Variants in NFKBIZ observed in about 807,000 individuals in gnomAD.
NFKBIZ encodes NF-kappa-B inhibitor zeta.
In NFKBIZ, 19 loss-of-function variants were observed where a neutral mutation model predicts 76.8. The ratio of observed to expected loss-of-function variants is 0.25; its 90% CI spans 0.17 to 0.36. NFKBIZ has a LOEUF of 0.36. NFKBIZ is among the 10% of genes least tolerant of loss of function. NFKBIZ has a pLI of 1.00. For missense variants in NFKBIZ, 829 were observed against 910.9 expected, an observed-to-expected ratio of 0.91 and a Z score of 1.16; for synonymous variants, 368 against 354.8, an observed-to-expected ratio of 1.04 and a Z score of -0.42.
At chr3:101,856,512 A>G (rs914044154) in intron 9 of NFKBIZ, among the ~76,000 whole-genome samples, 5 of 70,524 alleles carry the variant, frequency 7.1e-5, no homozygotes, top group Non-Finnish European at 1.1e-4. Context: ...ATTTTCATAC[A>G]CTGAGAATAA....
intron 8 of NFKBIZ, 125 bp downstream of exon 8, chr3:101,855,583 A>C: frequency 8.0e-7 from 1 of 1,248,424 alleles, no homozygotes; most frequent in Non-Finnish European, 1.1e-6. Context: ...AATTAGACCC[A>C]AAAAGAGACA....
Position 101,859,325 on chromosome 3 carries a change from G to T in NFKBIZ, c.2111G>T (p.Arg704Leu). Residue 704 changes from arginine to leucine, a missense_variant, in exon 12 of 12, where the codon CGT becomes CTT. This residue lies in a region of NFKBIZ where 272 missense variants were observed against 384.2 expected (regional missense o/e 0.71). Transcript: ENST00000326172. The stretch of plus-strand genomic sequence containing the variant: ...TATTTGTTTCTCTTCCAGATCCGAC[G>T]TATCCTGAAGGGAAAGTCCATTCAG... ...PDGPVGEQIR[R>L]ILKGKSIQQR... The T allele has an allele frequency of 6.2e-7, 1 of 1,613,348 alleles. No individual in the cohort carries two copies. The highest frequency in any genetic ancestry group is 1.1e-5 in the South Asian group (1 of 91,074).
rs1481862022 is a variant in NFKBIZ, at chr3:101,852,878, G to A, written c.461-8G>A. On this transcript the variant is annotated splice_region_variant and splice_polypyrimidine_tract_variant and intron_variant, in intron 3 of 11. Transcript: ENST00000326172. ...ATGATGACAGAGGCTGTATTCCTTT[G>A]GGTACAGAATTGAAGAACACAGTAT... The A allele has an allele frequency of 6.2e-7, 1 of 1,611,912 alleles. No homozygotes were observed. The highest frequency in any genetic ancestry group is 1.1e-5 in the South Asian group (1 of 90,946).
At chr3:101,835,189 T>G (rs1942702333) in intron 2 of NFKBIZ, among the ~76,000 whole-genome samples, 1 of 152,204 alleles carries the variant, frequency 6.6e-6, no homozygotes, top group Admixed American at 6.5e-5. Flanking sequence ...TTAGAGAAAT[T>G]AATTAAAGCT....
Position 101,832,914 on chromosome 3 carries a change from C to G in NFKBIZ, c.-12+3226C>G, listed in dbSNP as rs1942665175. ...CACCATGATGAATTTGTTTTTAATT[C>G]ATTTTGTGCAGTATTTGGCACAGTG... On this transcript the variant is annotated intron_variant, in intron 2 of 12. Coordinates refer to the NFKBIZ transcript ENST00000394054. Among the ~76,000 whole-genome samples the G allele has an allele frequency of 3.3e-5, 5 of 152,206 alleles. No homozygotes were observed. The South Asian group carries it at 1.0e-3, about 32-fold the overall frequency.
rs1159966458 is a variant in NFKBIZ, at chr3:101,853,774, A to G, written c.1248A>G (p.Ser416=). Residue 416 remains serine, a synonymous_variant, in exon 5 of 12, where the codon TCA becomes TCG. Coordinates refer to ENST00000326172, the MANE Select transcript of NFKBIZ (RefSeq NM_031419.4). ...TGAACACCACACAGTTAGGGAAATC[A>G]CTTTTTCAGTGGCAGGTGGAGCAGG... ...NPMNTTQLGK[S]LFQWQVEQEE... 1 of 1,614,182 alleles carries G rather than the reference A, an allele frequency of 6.2e-7. No individual in the cohort carries two copies. Among genetic ancestry groups the G allele is most frequent in the South Asian group, 1.1e-5 (1 of 91,090 alleles).
intron 5 of NFKBIZ, 100 bp downstream of exon 5, chr3:101,853,963 T>C (rs1943009519): frequency 8.6e-7 from 1 of 1,167,074 alleles, no homozygotes; most frequent in East Asian, 2.4e-5. Flanking sequence ...ATACCTTAGT[T>C]AGTGGTTGGC....
At chr3:101,832,111 A>C (rs1295380588) in intron 2 of NFKBIZ, among the ~76,000 whole-genome samples, 1 of 151,000 alleles carries the variant, frequency 6.6e-6, no homozygotes, top group African/African-American at 2.4e-5. Context: ...TTTCTTTTTT[A>C]TTTTTTATTG....
intron 5 of NFKBIZ, 62 bp from the exon 6 acceptor site, chr3:101,854,516 T>C (rs556899028): frequency 9.4e-5 from 98 of 1,037,720 alleles, no homozygotes; most frequent in Middle Eastern, 8.4e-4. Context: ...TTTTTTTTTT[T>C]CAAAAGAACA....
intron 2 of NFKBIZ, among the ~76,000 whole-genome samples, chr3:101,841,140 T>C (rs1942780318): frequency 1.3e-5 from 2 of 152,226 alleles, no homozygotes. Flanking sequence ...CAATATGGTA[T>C]ACTGTGCTTT....
intron 2 of NFKBIZ, among the ~76,000 whole-genome samples, chr3:101,836,477 C>T (rs929546904): frequency 6.6e-5 from 10 of 152,168 alleles, no homozygotes; most frequent in East Asian, 1.9e-4. Flanking sequence ...GTCTGTCTTT[C>T]CCAGTAGAAT....
At chr3:101,844,307 CAATT>C (rs1301823452) in intron 2 of NFKBIZ, among the ~76,000 whole-genome samples, 1 of 152,204 alleles carries the variant, frequency 6.6e-6, no homozygotes, top group Non-Finnish European at 1.5e-5. Context: ...ATACAAGAGT[CAATT>C]AATATTGTTA....
At chr3:101,848,301 A>T (rs774657487), upstream of NFKBIZ, among the ~76,000 whole-genome samples, 10 of 152,212 alleles carry the variant, frequency 6.6e-5, no homozygotes, top group Non-Finnish European at 1.3e-4. Flanking sequence ...TCCTCTTGAC[A>T]ATCGTAAAAG....
rs746721515 is a variant in NFKBIZ at position 101,857,252 on chromosome 3, C to T, written c.1936-40C>T. On this transcript the variant is annotated intron_variant, in intron 10 of 11. Transcript: ENST00000326172. Reference sequence around the variant, plus strand: ...TTTTGAGCTCCTTTCATGAAATTTCCCCCTTCCTGATGTCTGATAATTCAT... The same window carrying T: ...TTTTGAGCTCCTTTCATGAAATTTCTCCCTTCCTGATGTCTGATAATTCAT... 1.9e-6 allele frequency: 3 copies of T among 1,612,230 alleles called. No homozygotes were observed. In the African/African-American group the frequency reaches 4.0e-5, roughly 22 times the overall value.
At chr3:101,838,615 C>T (rs1222969111) in intron 2 of NFKBIZ, among the ~76,000 whole-genome samples, 4 of 152,194 alleles carry the variant, frequency 2.6e-5, no homozygotes, top group African/African-American at 9.7e-5. Flanking sequence ...TGGATTTGGC[C>T]TGCAGGCCGT....
In NFKBIZ at chr3:101,858,799, T is replaced by C. The variant is rs886888178; in HGVS notation, c.2104-519T>C. On this transcript the variant is annotated intron_variant, in intron 11 of 11. Coordinates refer to ENST00000326172, the MANE Select transcript of NFKBIZ (RefSeq NM_031419.4). ...ACTCTGAATGAGCCGGGATCTTTTCTGTGATCCATGAAGTTACGTGTAGAT... is the reference window on the plus strand; with the variant it reads ...ACTCTGAATGAGCCGGGATCTTTTCCGTGATCCATGAAGTTACGTGTAGAT... Among the ~76,000 whole-genome samples, 18 of 152,234 alleles carry C rather than the reference T, an allele frequency of 1.2e-4. 1 individual carries two copies. The highest frequency in any genetic ancestry group is 1.9e-4 in the Non-Finnish European group (13 of 68,040).
intron 2 of NFKBIZ, among the ~76,000 whole-genome samples, chr3:101,839,283 ATTC>A (rs1942759813): frequency 6.6e-6 from 1 of 152,208 alleles, no homozygotes; most frequent in Non-Finnish European, 1.5e-5. Context: ...CAGAATTAAA[ATTC>A]TTCTTGAAAA....
At position 101,860,954 on chromosome 3, in the gene NFKBIZ, T is replaced by C. The variant is rs975995605; in HGVS notation, c.*1583T>C. 1 of 152,152 alleles carries C rather than the reference T, an allele frequency of 6.6e-6. No individual in the cohort carries two copies. The highest frequency in any genetic ancestry group is 1.5e-5 in the Non-Finnish European group (1 of 68,016). 9.4% of individuals were successfully genotyped at this position (152,152 alleles called of 1,614,324 possible). ...TATAATCACCTTGTATCTCTAAATA[T>C]GGTGTGATATGAACCAGTCCATTCA... On this transcript the variant is annotated 3_prime_UTR_variant, in exon 12 of 12. Transcript: ENST00000326172.
chr3:101,857,096 C>T lies in NFKBIZ; in HGVS notation c.1848C>T (p.Ala616=), dbSNP rs749874056. ...EAKDRKSGRT[A]LHLAAEEANL... is the part of the protein sequence containing the mutation. The stretch of plus-strand genomic sequence containing the variant: ...AGGATCGCAAAAGTGGCCGCACAGC[C>T]CTGCATTTGGCAGCTGAAGAAGCAA... Residue 616 remains alanine (A), a synonymous_variant, in exon 10 of 12, where the codon GCC becomes GCT. Coordinates refer to ENST00000326172, the MANE Select transcript of NFKBIZ (RefSeq NM_031419.4). 49 of 1,613,834 alleles carry T rather than the reference C, an allele frequency of 3.0e-5. No individual in the cohort carries two copies. In the Middle Eastern group the frequency reaches 6.6e-4, roughly 22 times the overall value.
Sources: gnomAD v4.1 joint callset for allele counts (sites outside exome capture counted in the v4.1 genomes callset) on GRCh38, gnomAD v4.1.1 for gene constraint, gnomAD v4.1.1 regional missense constraint, MANE v1.5 for transcripts, NCBI Gene and HGNC (gene_info 2026-07-23, HGNC 2026-07-21) for gene names.